ZNF471: variants seen among roughly 807,000 people sequenced by gnomAD.
ZNF471 encodes EZFIT-related protein 1.
Under a neutral mutation model 13.7 loss-of-function variants are expected in ZNF471, and 7 were observed. The observed-to-expected ratio is 0.51, with a 90% CI of 0.29 to 0.96. The LOEUF is 0.96. Ranked by LOEUF, ZNF471 falls within the 40% of genes least tolerant of loss-of-function variation. The pLI is 0.08. For synonymous variants in ZNF471, 218 were observed against 235.6 expected (o/e 0.93, Z 0.68); for missense variants, 663 against 743.3 (o/e 0.89, Z 1.26).
chr19:56,524,374 TATG>T lies in ZNF471; in HGVS notation c.314_316del (p.Asp105del). 3 of 1,604,740 alleles carry T rather than the reference TATG, an allele frequency of 1.9e-6. No homozygotes were observed. Among genetic ancestry groups the T allele is most frequent in the Non-Finnish European group, 2.5e-6 (3 of 1,177,186 alleles). On this transcript the variant is annotated inframe_deletion, in exon 5 of 5. Transcript: ENST00000308031. This position sits in a 1 kb window ranked among gnomAD's most constrained non-coding sequence, Gnocchi z 4.8. ...GGAATTACCTCTGAAGCAGTTCATG[TATG>T]ATGATGCATGCATGGAGGGAATTAC...
In ZNF471 at chr19:56,508,122, G is replaced by A; in HGVS notation, c.-56+202G>A. On this transcript the variant is annotated intron_variant, in intron 1 of 4. Coordinates refer to ENST00000308031, the MANE Select transcript of ZNF471 (RefSeq NM_020813.4). This position sits in a 1 kb window ranked among gnomAD's most constrained non-coding sequence, Gnocchi z 4.7. Reference sequence around the variant, plus strand: ...GGCTCGGGGCTGCTGGGCGTTCGGGGCGGCTTGGGGCGGCGGGACCACTGG... The same window carrying A: ...GGCTCGGGGCTGCTGGGCGTTCGGGACGGCTTGGGGCGGCGGGACCACTGG... 1.0e-6 allele frequency: 1 copy of A among 985,370 alleles called. No individual in the cohort carries two copies. Among genetic ancestry groups the A allele is most frequent in the Non-Finnish European group, 1.2e-6 (1 of 829,850 alleles). The allele number at this position is 985,370 out of a possible 1,614,324, so 61.0% of individuals were successfully genotyped here.
chr19:56,525,370 A>G lies in ZNF471; in HGVS notation c.1303A>G (p.Ile435Val). 1 of 1,613,786 alleles carries G rather than the reference A, an allele frequency of 6.2e-7. No homozygotes were observed. The change falls in exon 5 of 5, where the codon ATA (isoleucine) becomes GTA (valine). Residue 435 changes from isoleucine (I) to valine (V), a missense_variant. Ile to Val is a conservative substitution (Grantham distance 29, BLOSUM62 3). Coordinates refer to ENST00000308031, the MANE Select transcript of ZNF471 (RefSeq NM_020813.4). ...AGGAGAGAAACCTTATGAATGTGAT[A>G]TATGTGGGAAAGATTTTAGCCATCA... ...HTGEKPYECD[I>V]CGKDFSHHAS...
Position 56,525,110 on chromosome 19 carries a change from G to T in ZNF471, c.1043G>T (p.Cys348Phe). 6.2e-7 allele frequency: 1 copy of T among 1,614,128 alleles called. No homozygotes were observed. The highest frequency in any genetic ancestry group is 8.5e-7 in the Non-Finnish European group (1 of 1,180,026). Residue 348 changes from cysteine to phenylalanine, a missense_variant, in exon 5 of 5, where the codon TGT (cysteine) becomes TTT (phenylalanine). Physicochemically the swap from Cys to Phe is radical, Grantham distance 205. Coordinates refer to ENST00000308031, the MANE Select transcript of ZNF471 (RefSeq NM_020813.4). ...CACACTGGCAAAAGACCCTATGAAT[G>T]TATTGAGTGTGGGAAGGCTTTTAGG... ...RCHTGKRPYE[C>F]IECGKAFRYN...
At chr19:56,509,219 C>A (rs945751792) in intron 1 of ZNF471, among the ~76,000 whole-genome samples, 2 of 152,142 alleles carry the variant, frequency 1.3e-5, no homozygotes, top group African/African-American at 2.4e-5. Context: ...ACAGGTTAAA[C>A]TGATCATCAG....
Position 56,510,333 on chromosome 19 carries a change from A to C in ZNF471, c.-55-1184A>C, listed in dbSNP as rs1048985687. Reference sequence around the variant, plus strand: ...TTATATGTGTGAAAGAGGGAGAGAAAGACTAGTGATGTGGTTGTGTGAGAG... The same window carrying C: ...TTATATGTGTGAAAGAGGGAGAGAACGACTAGTGATGTGGTTGTGTGAGAG... On this transcript the variant is annotated intron_variant, in intron 1 of 4. Coordinates refer to ENST00000308031, the MANE Select transcript of ZNF471 (RefSeq NM_020813.4). The surrounding 1 kb of genome is among the most constrained non-coding windows in gnomAD (Gnocchi z 4.3). The C allele has an allele frequency of 1.0e-6, 1 of 984,434 alleles. No homozygotes were observed. The highest frequency in any genetic ancestry group is 1.2e-6 in the Non-Finnish European group (1 of 829,224). 61.0% of individuals were successfully genotyped at this position (984,434 alleles called of 1,614,324 possible).
intron 2 of ZNF471, 151 bp downstream of exon 2, chr19:56,511,755 C>T: frequency 1.5e-6 from 1 of 647,628 alleles, no homozygotes; most frequent in Admixed American, 2.8e-5. Flanking sequence ...ACTCTAATTA[C>T]CTAATGAGTG....
At position 56,509,657 on chromosome 19, in the gene ZNF471, C is replaced by T. The variant is rs111314766; in HGVS notation, c.-56+1737C>T. 773 of 97,942 alleles carry T rather than the reference C, an allele frequency of 7.9e-3. 5 individuals are homozygous for T. Among genetic ancestry groups the T allele is most frequent in the African/African-American group, 0.031 (727 of 23,782 alleles). The allele number at this position is 97,942 out of a possible 1,614,324, so 6.1% of individuals were successfully genotyped here. Reference sequence around the variant, plus strand: ...CTAGAGGTCACCCACCTGGTATTCACTGGGTTGCCCTAGAGGTCACCCACC... The same window carrying T: ...CTAGAGGTCACCCACCTGGTATTCATTGGGTTGCCCTAGAGGTCACCCACC... On this transcript the variant is annotated intron_variant, in intron 1 of 4. Coordinates refer to ENST00000308031, the MANE Select transcript of ZNF471 (RefSeq NM_020813.4).
rs1298702273 is a variant in ZNF471 at position 56,510,308 on chromosome 19, T to C, written c.-55-1209T>C. 3 of 985,276 alleles carry C rather than the reference T, an allele frequency of 3.0e-6. No homozygotes were observed. Among genetic ancestry groups the C allele is most frequent in the Non-Finnish European group, 3.6e-6 (3 of 829,942 alleles). The allele number at this position is 985,276 out of a possible 1,614,324, so 61.0% of individuals were successfully genotyped here. A position where few individuals can be genotyped will look rare whatever the true frequency, so the allele number is the denominator to read the frequency against. On this transcript the variant is annotated intron_variant, in intron 1 of 4. Coordinates refer to ENST00000308031, the MANE Select transcript of ZNF471 (RefSeq NM_020813.4). The surrounding 1 kb of genome is among the most constrained non-coding windows in gnomAD (Gnocchi z 4.3). ...GTGTATGTATGAGAGACCATCATGT[T>C]TATATGTGTGAAAGAGGGAGAGAAA...
In ZNF471 at chr19:56,527,724, A is replaced by G. The variant is rs1600527151; in HGVS notation, c.*1776A>G. The G allele has an allele frequency of 6.6e-6, 1 of 152,232 alleles. No homozygotes were observed. Among genetic ancestry groups the G allele is most frequent in the Admixed American group, 6.5e-5 (1 of 15,292 alleles). 9.4% of individuals were successfully genotyped at this position (152,232 alleles called of 1,614,324 possible). On this transcript the variant is annotated 3_prime_UTR_variant, in exon 5 of 5. Coordinates refer to ENST00000308031, the MANE Select transcript of ZNF471 (RefSeq NM_020813.4). The stretch of plus-strand genomic sequence containing the variant: ...CCAGATTGAATGCTTTACAGGGAAG[A>G]ATTCATACTGCAGAGCGGTCTTAAC...
chr19:56,525,461 G>T lies in ZNF471; in HGVS notation c.1394G>T (p.Gly465Val), dbSNP rs777528841. The change falls in exon 5 of 5, where the codon GGG (glycine) becomes GTG (valine). Residue 465 changes from glycine to valine, a missense_variant. Physicochemically the swap from Gly to Val is moderately radical, Grantham distance 109 (BLOSUM62 -3). Coordinates refer to ENST00000308031, the MANE Select transcript of ZNF471 (RefSeq NM_020813.4). ...AAACCGTATGAATGCAAGGAATGTG[G>T]GAAAGCCTTTAGGCAGAATGTACAC... ...GEKPYECKEC[G>V]KAFRQNVHLV... The T allele has an allele frequency of 6.2e-7, 1 of 1,614,132 alleles. No homozygotes were observed.
intron 2 of ZNF471, among the ~76,000 whole-genome samples, chr19:56,512,333 T>G (rs1389275637): frequency 6.6e-6 from 1 of 151,798 alleles, no homozygotes; most frequent in East Asian, 1.9e-4. Flanking sequence ...TTAGGTCCTA[T>G]TTTTCTTCTA....
rs1350496694 is a variant in ZNF471, at chr19:56,510,666, C to G, written c.-55-851C>G. ...CCTGTGTTAGTGTTTGTATGTCACC[C>G]TGTATACCCATAATTGTGGCCCTGT... is the stretch of plus-strand genomic sequence containing the variant. On this transcript the variant is annotated intron_variant, in intron 1 of 4. Coordinates refer to ENST00000308031, the MANE Select transcript of ZNF471 (RefSeq NM_020813.4). This position sits in a 1 kb window ranked among gnomAD's most constrained non-coding sequence, Gnocchi z 4.3. 4 of 985,488 alleles carry G rather than the reference C, an allele frequency of 4.1e-6. No homozygotes were observed. The highest frequency in any genetic ancestry group is 4.8e-6 in the Non-Finnish European group (4 of 830,020). The allele number at this position is 985,488 out of a possible 1,614,324, so 61.0% of individuals were successfully genotyped here. A position where few individuals can be genotyped will look rare whatever the true frequency, so the allele number is the denominator to read the frequency against.
At position 56,526,756 on chromosome 19, in the gene ZNF471, A is replaced by C. The variant is rs2044053764; in HGVS notation, c.*808A>C. 1 of 152,240 alleles carries C rather than the reference A, an allele frequency of 6.6e-6. No homozygotes were observed. The highest frequency in any genetic ancestry group is 1.5e-5 in the Non-Finnish European group (1 of 68,066). The allele number at this position is 152,240 out of a possible 1,614,324, so 9.4% of individuals were successfully genotyped here. Reference sequence around the variant, plus strand: ...CCATGGGGAAGTTCCAGCTGAGCAGAGCCCTCCACAGCTCAGCAAAGCCTC... The same window carrying C: ...CCATGGGGAAGTTCCAGCTGAGCAGCGCCCTCCACAGCTCAGCAAAGCCTC... On this transcript the variant is annotated 3_prime_UTR_variant, in exon 5 of 5. Coordinates refer to ENST00000308031, the MANE Select transcript of ZNF471 (RefSeq NM_020813.4).
rs560386526 is a variant in ZNF471 at position 56,508,375 on chromosome 19, T to G, written c.-56+455T>G. 6.7e-6 allele frequency among the ~76,000 whole-genome samples: 1 copy of G among 149,582 alleles called. No individual in the cohort carries two copies. The highest frequency in any genetic ancestry group is 2.5e-5 in the African/African-American group (1 of 40,450). On this transcript the variant is annotated intron_variant, in intron 1 of 4. Transcript: ENST00000308031. This position sits in a 1 kb window ranked among gnomAD's most constrained non-coding sequence, Gnocchi z 4.7. ...ATGTGCCTGCATTTGAAAGAGAGCGTGTGAAGCTCAGTGAGAGGTTGCGAG... is the reference window on the plus strand; with the variant it reads ...ATGTGCCTGCATTTGAAAGAGAGCGGGTGAAGCTCAGTGAGAGGTTGCGAG...
rs772884305 is a variant in ZNF471, at chr19:56,516,256, A to C, written c.34-19A>C. 1 of 1,611,536 alleles carries C rather than the reference A, an allele frequency of 6.2e-7. No individual in the cohort carries two copies. The highest frequency in any genetic ancestry group is 1.1e-5 in the South Asian group (1 of 90,866). ...TGGACACGAGCATTGGTTGGTTAAG[A>C]ATATATTTGTCACTTCAGGACTTAG... is the stretch of plus-strand genomic sequence containing the variant. On this transcript the variant is annotated intron_variant, in intron 2 of 4. Coordinates refer to ENST00000308031, the MANE Select transcript of ZNF471 (RefSeq NM_020813.4). This position sits in a 1 kb window ranked among gnomAD's most constrained non-coding sequence, Gnocchi z 4.4.
chr19:56,518,864 G>A (rs534656030), intron 4 of ZNF471, among the ~76,000 whole-genome samples: 2 of 152,040 alleles, frequency 1.3e-5, no homozygotes, highest in African/African-American at 2.4e-5. Context: ...CCCGTCTTTC[G>A]CTTTGCCATA....
intron 4 of ZNF471, among the ~76,000 whole-genome samples, chr19:56,523,190 G>C (rs1196182931): frequency 6.6e-6 from 1 of 152,078 alleles, no homozygotes. Flanking sequence ...TCTTCAAAAG[G>C]GGAAATGGTA....
chr19:56,512,512 A>G (rs2043825641), intron 2 of ZNF471, among the ~76,000 whole-genome samples: 1 of 152,130 alleles, frequency 6.6e-6, no homozygotes, highest in Admixed American at 6.5e-5. Flanking sequence ...TGTATAATTT[A>G]TAATAAGTGA....
intron 2 of ZNF471, among the ~76,000 whole-genome samples, chr19:56,514,368 A>C (rs2043853243): frequency 6.6e-6 from 1 of 151,314 alleles, no homozygotes; most frequent in Non-Finnish European, 1.5e-5. Flanking sequence ...AAGCCACTGC[A>C]CCCGGCCAGG....
Sources: allele counts gnomAD v4.1 joint callset (sites outside exome capture counted in the v4.1 genomes callset), GRCh38; gene constraint gnomAD v4.1.1; non-coding constraint Gnocchi (gnomAD v3.1); transcripts MANE v1.5; gene names NCBI Gene and HGNC (gene_info 2026-07-23, HGNC 2026-07-21).